Variants in TECPR1 observed in about 807,000 individuals in gnomAD.
The protein encoded by TECPR1 is tectonin beta-propeller repeat-containing protein 1.
Under a neutral mutation model 162.4 loss-of-function variants are expected in TECPR1, and 122 were observed. The ratio of observed to expected loss-of-function variants is 0.75; its 90% CI spans 0.65 to 0.87. The LOEUF (loss-of-function observed/expected upper bound fraction) is 0.87, where lower values mean the gene tolerates loss of function less well. Among genes scored for constraint, TECPR1 ranks in the 40% least tolerant of loss-of-function variants. The pLI is 0.00. For synonymous variants in TECPR1, 642 were observed against 670.6 expected, an observed-to-expected ratio of 0.96 and a Z score of 0.66; for missense variants, 1,432 against 1,618.2, an observed-to-expected ratio of 0.88 and a Z score of 1.97.
intron 6 of TECPR1, among the ~76,000 whole-genome samples, chr7:98,242,927 TCCGC>T (rs1426541135): frequency 1.3e-3 from 4 of 3,056 alleles, no homozygotes; most frequent in Non-Finnish European, 1.3e-3. Flanking sequence ...CACACACCCA[TCCGC>T]CCATCCACAC....
At chr7:98,248,848 A>AC (rs1234450536) in intron 2 of TECPR1, among the ~76,000 whole-genome samples, 1 of 151,638 alleles carries the variant, frequency 6.6e-6, no homozygotes, top group Non-Finnish European at 1.5e-5. Context: ...TCCGTCTCAA[A>AC]AAAAAACAAA....
chr7:98,214,929 C>G lies in TECPR1; in HGVS notation c.*2461G>C, dbSNP rs1025883750. Reference sequence around the variant, plus strand: ...CAGAGGGGACGCCCCGCGGCCACATCACACAGGATCCTCAGCAGCCATAGT... The same window carrying G: ...CAGAGGGGACGCCCCGCGGCCACATGACACAGGATCCTCAGCAGCCATAGT... On this transcript the variant is annotated 3_prime_UTR_variant, in exon 26 of 26. Coordinates refer to ENST00000447648, the MANE Select transcript of TECPR1 (RefSeq NM_015395.3). The G allele has an allele frequency of 6.6e-6, 1 of 152,394 alleles. No individual in the cohort carries two copies. The highest frequency in any genetic ancestry group is 1.5e-5 in the Non-Finnish European group (1 of 68,180). The allele number at this position is 152,394 out of a possible 1,614,324, so 9.4% of individuals were successfully genotyped here.
At chr7:98,238,427 C>T (rs1381887993) in intron 9 of TECPR1, 82 bp downstream of exon 9, 10 of 1,133,552 alleles carry the variant, frequency 8.8e-6, no homozygotes, top group Non-Finnish European at 1.2e-5. Flanking sequence ...CAGTGGGAAG[C>T]GGCCACTAGG....
intron 9 of TECPR1, among the ~76,000 whole-genome samples, chr7:98,238,096 A>G (rs1372953435): frequency 6.6e-6 from 1 of 151,850 alleles, no homozygotes; most frequent in Non-Finnish European, 1.5e-5. Context: ...TTTAAGATGT[A>G]AAGTAACTTC....
chr7:98,239,363 C>A (rs562004906), intron 8 of TECPR1, among the ~76,000 whole-genome samples: 3 of 152,144 alleles, frequency 2.0e-5, no homozygotes, highest in Admixed American at 6.5e-5. Context: ...CCAGCCTGAA[C>A]AACATGGTGA....
At chr7:98,247,470 A>T (rs1030660735) in intron 2 of TECPR1, among the ~76,000 whole-genome samples, 3 of 152,076 alleles carry the variant, frequency 2.0e-5, no homozygotes, top group Non-Finnish European at 4.4e-5. Flanking sequence ...AATCAATGAA[A>T]GCTTACAGGT....
rs748565211 is a variant in TECPR1, at chr7:98,246,117, G to A, written c.30C>T (p.Asp10=). MPNSVLWAV[D]LFGRVYTLST... ...ACAGCGTGTACACTCTCCCGAAGAG[G>A]TCCACCGCCCACAGCACTGAGTTGG... Residue 10 remains aspartate (D), a synonymous_variant, in exon 3 of 26, where the codon GAC becomes GAT. Coordinates refer to ENST00000447648, the MANE Select transcript of TECPR1 (RefSeq NM_015395.3). 10 of 1,552,444 alleles carry A rather than the reference G, an allele frequency of 6.4e-6. No homozygotes were observed. The African/African-American group carries it at 1.4e-4, about 21-fold the overall frequency.
chr7:98,247,668 C>T (rs4729421), intron 2 of TECPR1, among the ~76,000 whole-genome samples: 68,684 of 151,918 alleles, frequency 0.45, 16,028 homozygotes, highest in East Asian at 0.71. Flanking sequence ...ACTCCTTCCT[C>T]CTCTTCCCCC....
At position 98,231,287 on chromosome 7, in the gene TECPR1, C is replaced by T; in HGVS notation, c.2061G>A (p.Glu687=). The T allele has an allele frequency of 6.2e-7, 1 of 1,613,006 alleles. No homozygotes were observed. The highest frequency in any genetic ancestry group is 8.5e-7 in the Non-Finnish European group (1 of 1,179,628). Residue 687 remains glutamate (E), a synonymous_variant, in exon 14 of 26, where the codon GAG becomes GAA. Coordinates refer to ENST00000447648, the MANE Select transcript of TECPR1 (RefSeq NM_015395.3). The stretch of plus-strand genomic sequence containing the variant: ...GCACCGGCCACCTCTGCCGTGTCCG[C>T]TCAGGGGTGTACAGGGCAAAGGAGT... ...TKHSFALYTP[E]RTRQRWPVRL...
At chr7:98,225,634 C>G (rs1004907236) in intron 17 of TECPR1, among the ~76,000 whole-genome samples, 1 of 151,936 alleles carries the variant, frequency 6.6e-6, no homozygotes, top group African/African-American at 2.4e-5. Flanking sequence ...TTCCCTTTCT[C>G]TCTTGCTCAC....
chr7:98,241,269 C>T lies in TECPR1; in HGVS notation c.658-25G>A. On this transcript the variant is annotated intron_variant, in intron 6 of 25. Transcript: ENST00000447648. The surrounding 1 kb of genome is among the most constrained non-coding windows in gnomAD (Gnocchi z 5.0). ...CCTGGGAGGCAAGACAGGGACACAGCACCTGCATCAACTCATTCACACCAG... is the reference window on the plus strand; with the variant it reads ...CCTGGGAGGCAAGACAGGGACACAGTACCTGCATCAACTCATTCACACCAG... 1 of 1,611,188 alleles carries T rather than the reference C, an allele frequency of 6.2e-7. No individual in the cohort carries two copies. The highest frequency in any genetic ancestry group is 8.5e-7 in the Non-Finnish European group (1 of 1,179,082).
intron 4 of TECPR1, 93 bp from the exon 5 acceptor site, chr7:98,244,786 C>T (rs968390573): frequency 3.5e-5 from 56 of 1,580,466 alleles, no homozygotes; most frequent in African/African-American, 9.4e-5. Context: ...CTGAAACACC[C>T]GAGCTCAGGC....
intron 2 of TECPR1, among the ~76,000 whole-genome samples, chr7:98,249,715 C>T (rs1318414646): frequency 6.6e-6 from 1 of 152,072 alleles, no homozygotes; most frequent in East Asian, 1.9e-4. Flanking sequence ...TTTGGGAGGC[C>T]AAGGCGGGCA....
intron 19 of TECPR1, 37 bp from the exon 20 acceptor site, chr7:98,223,755 G>A (rs1439638018): frequency 4.3e-6 from 7 of 1,610,820 alleles, no homozygotes; most frequent in East Asian, 2.2e-5. Context: ...GGGCCACTTC[G>A]TGGAAGTTTC....
At chr7:98,249,263 G>A (rs1426814574) in intron 2 of TECPR1, among the ~76,000 whole-genome samples, 3 of 152,122 alleles carry the variant, frequency 2.0e-5, no homozygotes, top group South Asian at 2.1e-4. Flanking sequence ...AGGAAGACAG[G>A]AAGCAGAACA....
Position 98,244,619 on chromosome 7 carries a change from C to A in TECPR1, c.483G>T (p.Arg161=), listed in dbSNP as rs77272847. 3 of 1,613,012 alleles carry A rather than the reference C, an allele frequency of 1.9e-6. No homozygotes were observed. Residue 161 remains arginine, a synonymous_variant, in exon 5 of 26, where the codon CGG becomes CGT. Coordinates refer to ENST00000447648, the MANE Select transcript of TECPR1 (RefSeq NM_015395.3). The part of the protein sequence containing the change: ...DKKWNSCVRR[R]KWIRYRRYKS... The stretch of plus-strand genomic sequence containing the variant: ...TGTATCTCCTGTACCGGATCCACTT[C>A]CGGCGCCGCACACAAGAATTCCACT...
chr7:98,215,982 GT>G lies in TECPR1; in HGVS notation c.*1407del, dbSNP rs1237479186. Reference sequence around the variant, plus strand: ...ACACACAACGGACCCCCAGCTGACAGTGAGACCAGGACCCTAGGAAGGTCAG... The same window carrying G: ...ACACACAACGGACCCCCAGCTGACAGGAGACCAGGACCCTAGGAAGGTCAG... On this transcript the variant is annotated 3_prime_UTR_variant, in exon 26 of 26. Transcript: ENST00000447648. The G allele has an allele frequency of 6.6e-6, 1 of 152,278 alleles. No individual in the cohort carries two copies. The highest frequency in any genetic ancestry group is 2.4e-5 in the African/African-American group (1 of 41,456). 9.4% of individuals were successfully genotyped at this position (152,278 alleles called of 1,614,324 possible).
Position 98,217,704 on chromosome 7 carries a change from G to C in TECPR1, c.3372C>G (p.Asp1124Glu). ...GGGCCCCGCTCACCCCGATGCCGTA[G>C]TCCCAGCCGTGGCCCTTGGGCTCGT... ...QPHEPKGHGW[D>E]YGIGGGWDHI... Residue 1124 changes from aspartate to glutamate, a missense_variant, in exon 25 of 26, where the codon GAC (aspartate) becomes GAG (glutamate). Transcript: ENST00000447648. 6.5e-7 allele frequency: 1 copy of C among 1,545,916 alleles called. No individual in the cohort carries two copies. Among genetic ancestry groups the C allele is most frequent in the Non-Finnish European group, 8.7e-7 (1 of 1,144,424 alleles).
chr7:98,215,351 C>G lies in TECPR1; in HGVS notation c.*2039G>C, dbSNP rs1217623860. ...TGCTGAAAATGTTTCTCAAATGACCCAAATTGGCTCTTATTTTTTCTAATG... is the reference window on the plus strand; with the variant it reads ...TGCTGAAAATGTTTCTCAAATGACCGAAATTGGCTCTTATTTTTTCTAATG... On this transcript the variant is annotated 3_prime_UTR_variant, in exon 26 of 26. Transcript: ENST00000447648. The G allele has an allele frequency of 6.6e-6, 1 of 152,270 alleles. No homozygotes were observed. Among genetic ancestry groups the G allele is most frequent in the African/African-American group, 2.4e-5 (1 of 41,478 alleles). 9.4% of individuals were successfully genotyped at this position (152,270 alleles called of 1,614,324 possible).
Sources: allele counts gnomAD v4.1 joint callset (sites outside exome capture counted in the v4.1 genomes callset), GRCh38; gene constraint gnomAD v4.1.1; non-coding constraint Gnocchi (gnomAD v3.1); transcripts MANE v1.5; gene names NCBI Gene and HGNC (gene_info 2026-07-23, HGNC 2026-07-21).